The following RUBCN variants were observed in gnomAD, a reference collection of about 807,000 sequenced individuals.
RUBCN encodes the protein rubicon autophagy regulator.
A neutral mutation model predicts 113.2 loss-of-function variants in RUBCN; 74 were observed. That is an observed-to-expected ratio of 0.65 (90% CI 0.54 to 0.79). The LOEUF (loss-of-function observed/expected upper bound fraction) is 0.79. Ranked by LOEUF, RUBCN falls within the 30% of genes least tolerant of loss-of-function variation. The pLI, the probability that RUBCN is intolerant of heterozygous loss-of-function variation, is 0.00. For synonymous variants in RUBCN, 480 were observed against 490.0 expected (o/e 0.98, Z 0.27); for missense variants, 1,109 against 1,251.7 (o/e 0.89, Z 1.72).
intron 1 of RUBCN, among the ~76,000 whole-genome samples, chr3:197,733,891 A>ATTTATTCACTATCTTATACTTCCGTGG (rs1727802667): frequency 6.6e-6 from 1 of 152,230 alleles, no homozygotes; most frequent in African/African-American, 2.4e-5. Flanking sequence ...ATGCTGTGAA[A>ATTTATTCACTATCTTATACTTCCGTGG]TTTATTCACT....
rs1308963552 is a variant in RUBCN at position 197,681,428 on chromosome 3, C to T, written c.2192-61G>A. On this transcript the variant is annotated intron_variant, in intron 15 of 19. Coordinates refer to ENST00000296343, the MANE Select transcript of RUBCN (RefSeq NM_014687.4). This position sits in a 1 kb window ranked among gnomAD's most constrained non-coding sequence, Gnocchi z 5.5. ...CTTTCCCATCTACAAGCTGGGAAGG[C>T]AGCTCTGCTTTTCCCTTGAAAGGGC... is the stretch of plus-strand genomic sequence containing the variant. The T allele has an allele frequency of 2.3e-6, 3 of 1,312,416 alleles. No individual in the cohort carries two copies. The African/African-American group carries it at 4.3e-5, about 19-fold the overall frequency. The allele number at this position is 1,312,416 out of a possible 1,614,324, so 81.3% of individuals were successfully genotyped here.
Position 197,675,295 on chromosome 3 carries a change from T to C in RUBCN, c.2741-99A>G, listed in dbSNP as rs1720243982. 2 of 1,529,304 alleles carry C rather than the reference T, an allele frequency of 1.3e-6. No individual in the cohort carries two copies. Among genetic ancestry groups the C allele is most frequent in the Non-Finnish European group, 1.8e-6 (2 of 1,104,430 alleles). 94.7% of individuals were successfully genotyped at this position (1,529,304 alleles called of 1,614,324 possible). A position where few individuals can be genotyped will look rare whatever the true frequency, so the allele number is the denominator to read the frequency against. On this transcript the variant is annotated intron_variant, in intron 19 of 19. Coordinates refer to ENST00000296343, the MANE Select transcript of RUBCN (RefSeq NM_014687.4). The surrounding 1 kb of genome is among the most constrained non-coding windows in gnomAD (Gnocchi z 4.4). ...ACAGCCCCTTCTCGCCACCAAGGCG[T>C]GGTGTCCCCTGGGGAGGCCCCGCGA...
intron 7 of RUBCN, among the ~76,000 whole-genome samples, chr3:197,700,007 C>T (rs1321160359): frequency 6.6e-6 from 1 of 152,150 alleles, no homozygotes; most frequent in African/African-American, 2.4e-5. Flanking sequence ...CAAGGAGCCC[C>T]ACCTTCCCCA....
chr3:197,689,722 CAA>C (rs1324238300), intron 11 of RUBCN, among the ~76,000 whole-genome samples: 1 of 152,148 alleles, frequency 6.6e-6, no homozygotes, highest in African/African-American at 2.4e-5. Context: ...TGACAGGGCA[CAA>C]GTGATATTTT....
rs373096732 is a variant in RUBCN, at chr3:197,694,600, G to A, written c.1474-15C>T. 7 of 1,602,582 alleles carry A rather than the reference G, an allele frequency of 4.4e-6. No homozygotes were observed. Among genetic ancestry groups the A allele is most frequent in the East Asian group, 4.5e-5 (2 of 44,832 alleles). ...TGGGCATTCTCCTGGCGGAAGGAGA[G>A]CACCAAACAGGCAAAGGGTTAGAAG... On this transcript the variant is annotated splice_polypyrimidine_tract_variant and intron_variant, in intron 9 of 19. Coordinates refer to ENST00000296343, the MANE Select transcript of RUBCN (RefSeq NM_014687.4).
upstream of RUBCN, among the ~76,000 whole-genome samples, chr3:197,737,540 G>A (rs1728281079): frequency 2.0e-5 from 3 of 152,032 alleles, no homozygotes; most frequent in African/African-American, 7.2e-5. Flanking sequence ...GGGAACTGCA[G>A]GTGCTGGGTA....
chr3:197,714,075 C>CAA (rs972226713), intron 2 of RUBCN, among the ~76,000 whole-genome samples: 1 of 145,174 alleles, frequency 6.9e-6, no homozygotes, highest in African/African-American at 2.5e-5. Context: ...GACTCTGTAT[C>CAA]AAAAAAAAAA....
chr3:197,727,923 A>C (rs1726938708), intron 1 of RUBCN, among the ~76,000 whole-genome samples: 3 of 152,190 alleles, frequency 2.0e-5, no homozygotes, highest in Non-Finnish European at 2.9e-5. Context: ...GAGGAAAGAC[A>C]AAGTGTTTCA....
chr3:197,675,180 G>GT lies in RUBCN; in HGVS notation c.2756dup (p.Tyr919Ter). The GT allele has an allele frequency of 6.2e-7, 1 of 1,614,102 alleles. No homozygotes were observed. The highest frequency in any genetic ancestry group is 8.5e-7 in the Non-Finnish European group (1 of 1,180,038). ...TTCCAGACTTGAAGCAGGCTTTATG[G>GT]TAACACGCTTTACACTCTACTCAGG... is the stretch of plus-strand genomic sequence containing the variant. ...CRTCEECKAC[Y>*]HKACFKSGSC... The change falls in exon 20 of 20, where the codon TAC becomes TAAC. Residue 919 changes from tyrosine (Y) to a stop codon, truncating the protein, a stop_gained and frameshift_variant. Transcript: ENST00000296343. LOFTEE classifies it high-confidence loss of function. This position sits in a 1 kb window ranked among gnomAD's most constrained non-coding sequence, Gnocchi z 4.4.
chr3:197,734,228 G>A (rs886584927), intron 1 of RUBCN, among the ~76,000 whole-genome samples: 1 of 149,806 alleles, frequency 6.7e-6, no homozygotes, highest in African/African-American at 2.5e-5. Flanking sequence ...CTGCACTCCA[G>A]CCTTGGCGAC....
chr3:197,730,854 AAT>A (rs1274132811), intron 1 of RUBCN, among the ~76,000 whole-genome samples: 3 of 146,120 alleles, frequency 2.1e-5, no homozygotes, highest in African/African-American at 7.9e-5. Flanking sequence ...TTCTCATTAA[AAT>A]ATCTTTTTTT....
rs1721260239 is a variant in RUBCN, at chr3:197,681,706, C to A, written c.2191+129G>T. The A allele has an allele frequency of 1.2e-6, 1 of 820,546 alleles. No individual in the cohort carries two copies. Among genetic ancestry groups the A allele is most frequent in the East Asian group, 2.6e-5 (1 of 39,072 alleles). 50.8% of individuals were successfully genotyped at this position (820,546 alleles called of 1,614,324 possible). ...GCCAGCACTCTTGCCTACTACGAAC[C>A]TTTCTTTCTCCTTCCCTACTTCTGC... is the stretch of plus-strand genomic sequence containing the variant. On this transcript the variant is annotated intron_variant, in intron 15 of 19. Transcript: ENST00000296343. The surrounding 1 kb of genome is among the most constrained non-coding windows in gnomAD (Gnocchi z 5.5).
chr3:197,745,570 A>C (rs1322830567), intron 1 of RUBCN, among the ~76,000 whole-genome samples: 1 of 152,070 alleles, frequency 6.6e-6, no homozygotes, highest in Non-Finnish European at 1.5e-5. Flanking sequence ...AGGTGAGATC[A>C]TGCCACTGCA....
chr3:197,700,971 G>C lies in RUBCN; in HGVS notation c.903C>G (p.Ser301Arg). The change falls in exon 7 of 20, where the codon AGC becomes AGG. Residue 301 changes from serine to arginine, a missense_variant. By Grantham distance (110) the Ser-to-Arg change is moderately radical. Transcript: ENST00000296343. The stretch of plus-strand genomic sequence containing the variant: ...TGCTGACCCAGGATGCCTCTATGGG[G>C]CTGGTCAGAGTACTGGAGCTCATTT... Reference protein sequence around the residue: ...PNEMSSSTLTSPIEASWVSSQ... With the variant: ...PNEMSSSTLTRPIEASWVSSQ... The C allele has an allele frequency of 1.2e-6, 2 of 1,614,198 alleles. No individual in the cohort carries two copies. The highest frequency in any genetic ancestry group is 1.1e-5 in the South Asian group (1 of 91,076).
In RUBCN at chr3:197,681,355, C is replaced by T. The variant is rs576988715; in HGVS notation, c.2204G>A (p.Arg735Gln). ...GIRTDPDYIK[R>Q]LRYCEYLGKY... is the part of the protein sequence containing the mutation. ...GCCCAGGTACTCACAGTACCGCAGT[C>T]GCTTGATGTAATCTGGAAAAACCGG... Residue 735 changes from arginine to glutamine, a missense_variant, in exon 16 of 20, where the codon CGA (arginine) becomes CAA (glutamine). Arg to Gln is a conservative substitution (Grantham distance 43). This residue lies in a region of RUBCN where 306 missense variants were observed against 348.9 expected (regional missense o/e 0.88). Transcript: ENST00000296343. The surrounding 1 kb of genome is among the most constrained non-coding windows in gnomAD (Gnocchi z 5.5). The T allele has an allele frequency of 8.7e-6, 14 of 1,613,164 alleles. 1 individual carries two copies. The highest frequency in any genetic ancestry group is 2.2e-5 in the East Asian group (1 of 44,886).
At chr3:197,742,909 A>G (rs1258679055) in intron 1 of RUBCN, among the ~76,000 whole-genome samples, 1 of 152,252 alleles carries the variant, frequency 6.6e-6, no homozygotes, top group Non-Finnish European at 1.5e-5. Flanking sequence ...AGCTTTGGAA[A>G]ATGCCACAGT....
At chr3:197,676,103 AATAC>A (rs1238682530) in intron 18 of RUBCN, 69 of 718,322 alleles carry the variant, frequency 9.6e-5, no homozygotes, top group Non-Finnish European at 1.2e-4. Flanking sequence ...GCGTTTGAGG[AATAC>A]ATAAAGTATA....
At chr3:197,726,130 A>G (rs1483844341) in intron 1 of RUBCN, among the ~76,000 whole-genome samples, 2 of 152,236 alleles carry the variant, frequency 1.3e-5, no homozygotes, top group Admixed American at 6.5e-5. Context: ...ATGTCGCTAT[A>G]CCATTCCTTC....
In RUBCN at chr3:197,710,326, C is replaced by T. The variant is rs546091917; in HGVS notation, c.220-5151G>A. On this transcript the variant is annotated intron_variant, in intron 2 of 19. Transcript: ENST00000296343. ...TAAGAAATGTCAAAAGACGGCCGGGCGCGGTGGCTCATGCCTATAATCCCA... is the reference window on the plus strand; with the variant it reads ...TAAGAAATGTCAAAAGACGGCCGGGTGCGGTGGCTCATGCCTATAATCCCA... Among the ~76,000 whole-genome samples the T allele has an allele frequency of 8.5e-5, 13 of 152,206 alleles. No homozygotes were observed. The East Asian group carries it at 9.7e-4, about 11-fold the overall frequency.
Sources: allele counts gnomAD v4.1 joint callset (sites outside exome capture counted in the v4.1 genomes callset), GRCh38; gene constraint gnomAD v4.1.1; regional missense constraint gnomAD v4.1.1; non-coding constraint Gnocchi (gnomAD v3.1); transcripts MANE v1.5; gene names NCBI Gene and HGNC (gene_info 2026-07-23, HGNC 2026-07-21).